The following NAV2 variants were observed in gnomAD, a reference collection of about 807,000 sequenced individuals.
The protein encoded by NAV2 is helicase, APC down-regulated 1.
Under a neutral mutation model 223.2 loss-of-function variants are expected in NAV2, and 54 were observed. The ratio of observed to expected loss-of-function variants is 0.24; its 90% CI spans 0.19 to 0.30. The LOEUF (loss-of-function observed/expected upper bound fraction) is 0.30. NAV2 is among the 10% of genes least tolerant of loss of function. The pLI is 1.00. For missense variants in NAV2, 2,806 were observed against 3,147.5 expected, an observed-to-expected ratio of 0.89 and a Z score of 2.60; for synonymous variants, 1,279 against 1,239.3, an observed-to-expected ratio of 1.03 and a Z score of -0.67.
chr11:19,655,822 A>G (rs556142630), intron 1 of NAV2, among the ~76,000 whole-genome samples: 194 of 152,160 alleles, frequency 1.3e-3, no homozygotes, highest in African/African-American at 4.0e-3. Flanking sequence ...CAGCACACCA[A>G]CATGGCACAT....
At chr11:19,780,452 AT>A (rs1473334257) in intron 1 of NAV2, among the ~76,000 whole-genome samples, 1 of 152,254 alleles carries the variant, frequency 6.6e-6, no homozygotes, top group Admixed American at 6.5e-5. Context: ...AGCTGGTATT[AT>A]TTGAGGAGTG....
intron 1 of NAV2, among the ~76,000 whole-genome samples, chr11:19,788,704 G>A (rs1282115473): frequency 6.6e-6 from 1 of 152,020 alleles, no homozygotes; most frequent in African/African-American, 2.4e-5. Flanking sequence ...ACCAGGCCCC[G>A]GCTGCACCAT....
At chr11:19,345,255 G>C in the NAV2 span, among the ~76,000 whole-genome samples, 60 of 152,240 alleles carry the variant, frequency 3.9e-4, no homozygotes, top group African/African-American at 1.3e-3. The surrounding 1 kb of genome is among the most constrained non-coding windows in gnomAD (Gnocchi z 5.2). Flanking sequence ...GCGCGGGCCG[G>C]AGTGCAGTGC....
intron 1 of NAV2, among the ~76,000 whole-genome samples, chr11:19,674,897 C>T (rs994713963): frequency 3.9e-5 from 6 of 152,304 alleles, no homozygotes; most frequent in East Asian, 1.9e-4. Flanking sequence ...CCTTGGTTTC[C>T]TCCTCTGCAA....
intron 1 of NAV2, among the ~76,000 whole-genome samples, chr11:19,704,943 G>A (rs553187117): frequency 1.3e-5 from 2 of 150,536 alleles, no homozygotes; most frequent in East Asian, 2.0e-4. Flanking sequence ...CCCGGGAGGC[G>A]GAGCTTGCTG....
chr11:19,550,441 T>C (rs1448467511), intron 1 of NAV2, among the ~76,000 whole-genome samples: 2 of 152,174 alleles, frequency 1.3e-5, no homozygotes, highest in African/African-American at 4.8e-5. Context: ...AGTCTGGGAT[T>C]GACAATTTCC....
chr11:19,536,840 A>C (rs1317033005), intron 1 of NAV2, among the ~76,000 whole-genome samples: 3 of 152,232 alleles, frequency 2.0e-5, no homozygotes, highest in Non-Finnish European at 4.4e-5. Context: ...TACCATTCCC[A>C]AAAGCCCAGC....
intron 1 of NAV2, among the ~76,000 whole-genome samples, chr11:19,408,630 GT>G (rs1564913641): frequency 6.6e-6 from 1 of 152,190 alleles, no homozygotes; most frequent in African/African-American, 2.4e-5. Flanking sequence ...CACAGTAAAT[GT>G]TGCACTCACT....
intron 1 of NAV2, among the ~76,000 whole-genome samples, chr11:19,608,227 C>T (rs535873104): frequency 7.2e-5 from 11 of 152,340 alleles, no homozygotes; most frequent in Admixed American, 1.3e-4. Flanking sequence ...TTTCACTGCA[C>T]GAACATAGGT....
chr11:19,798,918 C>T (rs2058073978), intron 1 of NAV2, among the ~76,000 whole-genome samples: 1 of 152,132 alleles, frequency 6.6e-6, no homozygotes, highest in African/African-American at 2.4e-5. Flanking sequence ...TCTGAAATAT[C>T]AGCACTACCC....
chr11:19,805,966 G>A (rs544689117), intron 1 of NAV2, among the ~76,000 whole-genome samples: 33 of 152,208 alleles, frequency 2.2e-4, no homozygotes, highest in Non-Finnish European at 4.3e-4. Context: ...AACCATGCGT[G>A]TCTGATTTCT....
At chr11:19,551,865 G>T (rs1032923656) in intron 1 of NAV2, among the ~76,000 whole-genome samples, 2 of 151,660 alleles carry the variant, frequency 1.3e-5, no homozygotes, top group African/African-American at 4.9e-5. Flanking sequence ...TCTTTACTCT[G>T]CTCCTTCCCC....
intron 1 of NAV2, among the ~76,000 whole-genome samples, chr11:19,558,722 T>A (rs776492255): frequency 1.1e-4 from 17 of 152,182 alleles, no homozygotes; most frequent in Non-Finnish European, 2.2e-4. Flanking sequence ...AACCTGGGGC[T>A]TCAATCCCCT....
intron 1 of NAV2, among the ~76,000 whole-genome samples, chr11:19,702,489 T>G (rs2049535585): frequency 6.6e-6 from 1 of 152,116 alleles, no homozygotes; most frequent in Admixed American, 6.6e-5. Context: ...CAGGGCTTAA[T>G]AAGTGTCCTC....
intron 22 of NAV2, among the ~76,000 whole-genome samples, chr11:20,068,909 G>A (rs1200592045): frequency 6.6e-6 from 1 of 152,140 alleles, no homozygotes; most frequent in Non-Finnish European, 1.5e-5. Flanking sequence ...GGGCACTGTG[G>A]GTTCAACAGC....
At chr11:19,697,170 G>A (rs1164910010) in intron 1 of NAV2, among the ~76,000 whole-genome samples, 1 of 152,176 alleles carries the variant, frequency 6.6e-6, no homozygotes, top group African/African-American at 2.4e-5. Flanking sequence ...GCAAACTAAC[G>A]TAAGAATGGA....
intron 1 of NAV2, among the ~76,000 whole-genome samples, chr11:19,514,710 G>A (rs981136250): frequency 5.9e-5 from 9 of 152,144 alleles, no homozygotes; most frequent in African/African-American, 1.7e-4. Flanking sequence ...CCAACGCCAG[G>A]CCAGTCTCCA....
intron 1 of NAV2, among the ~76,000 whole-genome samples, chr11:19,767,430 C>T (rs1389095212): frequency 6.6e-6 from 1 of 152,154 alleles, no homozygotes; most frequent in Non-Finnish European, 1.5e-5. Flanking sequence ...AGTGTTTTCT[C>T]CTACACAATT....
intron 1 of NAV2, among the ~76,000 whole-genome samples, chr11:19,629,851 G>T (rs7116289): frequency 6.6e-6 from 1 of 152,036 alleles, no homozygotes; most frequent in Non-Finnish European, 1.5e-5. Flanking sequence ...TGGAATGGCC[G>T]CATCAACCCT....
Sources: gnomAD v4.1 joint callset for allele counts (sites outside exome capture counted in the v4.1 genomes callset) on GRCh38, gnomAD v4.1.1 for gene constraint, Gnocchi (gnomAD v3.1) non-coding constraint, MANE v1.5 for transcripts, NCBI Gene and HGNC (gene_info 2026-07-23, HGNC 2026-07-21) for gene names.